The following FAM110B variants were observed in gnomAD, a reference collection of about 807,000 sequenced individuals.
FAM110B encodes the protein protein FAM110B.
Under a neutral mutation model 20.4 loss-of-function variants are expected in FAM110B, and 6 were observed. The observed-to-expected ratio is 0.29, with a 90% CI of 0.16 to 0.58. The LOEUF (loss-of-function observed/expected upper bound fraction) is 0.58, where lower values mean the gene tolerates loss of function less well. Ranked by LOEUF, FAM110B falls within the 20% of genes least tolerant of loss-of-function variation. The pLI is 0.90. For synonymous variants in FAM110B, 226 were observed against 214.1 expected (o/e 1.06, Z -0.49); for missense variants, 434 against 498.2 (o/e 0.87, Z 1.23).
At chr8:58,058,975 A>G (rs1408515889) in intron 2 of FAM110B, among the ~76,000 whole-genome samples, 1 of 152,174 alleles carries the variant, frequency 6.6e-6, no homozygotes, top group African/African-American at 2.4e-5. Flanking sequence ...TTCTACCTCC[A>G]GAAGAAATCA....
At chr8:58,081,669 C>A (rs180770525) in intron 3 of FAM110B, among the ~76,000 whole-genome samples, 199 of 152,338 alleles carry the variant, frequency 1.3e-3, no homozygotes, top group African/African-American at 4.1e-3. Flanking sequence ...TCCCTACACA[C>A]CTGGTTCCTC....
At chr8:58,140,894 T>A (rs1803731151) in intron 3 of FAM110B, among the ~76,000 whole-genome samples, 1 of 152,256 alleles carries the variant, frequency 6.6e-6, no homozygotes, top group Non-Finnish European at 1.5e-5. Flanking sequence ...ATTCATTCGA[T>A]TCACATTTAC....
chr8:58,068,301 A>G (rs1372645462), intron 2 of FAM110B, among the ~76,000 whole-genome samples: 2 of 152,174 alleles, frequency 1.3e-5, no homozygotes, highest in Non-Finnish European at 2.9e-5. Flanking sequence ...CATTTTCTTT[A>G]GCCAATTATC....
intron 2 of FAM110B, among the ~76,000 whole-genome samples, chr8:58,042,210 A>G (rs947048762): frequency 3.9e-5 from 6 of 152,236 alleles, no homozygotes; most frequent in Admixed American, 6.5e-5. Flanking sequence ...TACTAATTGC[A>G]TTTATGATGA....
intron 3 of FAM110B, among the ~76,000 whole-genome samples, chr8:58,141,653 T>C (rs1367208193): frequency 6.6e-6 from 1 of 152,250 alleles, no homozygotes; most frequent in Non-Finnish European, 1.5e-5. Flanking sequence ...CTTTTCTTTT[T>C]CATTACCAGA....
chr8:58,009,686 C>A (rs970333915), intron 1 of FAM110B, among the ~76,000 whole-genome samples: 2 of 152,146 alleles, frequency 1.3e-5, no homozygotes, highest in Non-Finnish European at 2.9e-5. Context: ...ATTATATTTC[C>A]ATGGGATGGT....
At chr8:58,017,958 A>C (rs1804672538) in intron 1 of FAM110B, among the ~76,000 whole-genome samples, 1 of 152,196 alleles carries the variant, frequency 6.6e-6, no homozygotes, top group Admixed American at 6.5e-5. Context: ...TTTTGTTGTT[A>C]AGGATTGCTC....
At chr8:58,000,122 G>A (rs193219207) in intron 1 of FAM110B, among the ~76,000 whole-genome samples, 105 of 152,218 alleles carry the variant, frequency 6.9e-4, no homozygotes, top group Non-Finnish European at 1.0e-4. Flanking sequence ...AAGGTCTCTG[G>A]GCATTGAGGA....
chr8:58,050,314 A>C (rs567358699), intron 2 of FAM110B, among the ~76,000 whole-genome samples: 1 of 152,218 alleles, frequency 6.6e-6, no homozygotes, highest in African/African-American at 2.4e-5. Context: ...CTAGGCTTAG[A>C]GGAAAGCATA....
intron 1 of FAM110B, among the ~76,000 whole-genome samples, chr8:58,008,073 T>C (rs1387123106): frequency 1.3e-5 from 2 of 152,008 alleles, no homozygotes; most frequent in Admixed American, 6.6e-5. Flanking sequence ...AATAGATTCA[T>C]TGAAGCTCTG....
chr8:58,042,005 A>T (rs1165184105), intron 2 of FAM110B, among the ~76,000 whole-genome samples: 1 of 152,174 alleles, frequency 6.6e-6, no homozygotes, highest in African/African-American at 2.4e-5. Context: ...CAGTGTGTAA[A>T]CTCTCCAAAC....
chr8:58,088,968 T>G (rs1806404522), intron 3 of FAM110B, among the ~76,000 whole-genome samples: 1 of 152,230 alleles, frequency 6.6e-6, no homozygotes, highest in African/African-American at 2.4e-5. Flanking sequence ...GTGCCATGAA[T>G]ATTCCTTTAG....
intron 2 of FAM110B, among the ~76,000 whole-genome samples, chr8:58,059,854 T>G (rs1363718342): frequency 6.6e-6 from 1 of 152,172 alleles, no homozygotes; most frequent in Non-Finnish European, 1.5e-5. Context: ...TTGCTCTAGA[T>G]GCTCTATAGT....
intron 2 of FAM110B, among the ~76,000 whole-genome samples, chr8:58,062,500 A>G (rs7000317): frequency 0.21 from 31,556 of 152,148 alleles, 4,112 homozygotes; most frequent in African/African-American, 0.36. Context: ...TAAAATATAC[A>G]TATATAAATG....
intron 2 of FAM110B, among the ~76,000 whole-genome samples, chr8:58,067,869 C>G (rs752625465): frequency 2.6e-5 from 4 of 152,134 alleles, no homozygotes; most frequent in African/African-American, 4.8e-5. Flanking sequence ...TACATAGGCC[C>G]CCCGCAGCCA....
chr8:58,119,595 T>C (rs1403617410), intron 3 of FAM110B, among the ~76,000 whole-genome samples: 1 of 152,182 alleles, frequency 6.6e-6, no homozygotes, highest in Non-Finnish European at 1.5e-5. Context: ...TGACTGAAGA[T>C]CTAATATTCC....
Position 58,071,130 on chromosome 8 carries a change from C to T in FAM110B, c.-413-4405C>T, listed in dbSNP as rs1046651182. ...ACATTTTTATTTCTATTAATTTTTT[C>T]CTGAAAATTGATAATCTTAAATAAT... On this transcript the variant is annotated intron_variant, in intron 2 of 3. Coordinates refer to ENST00000519262, the MANE Select transcript of FAM110B (RefSeq NM_001377989.1). Among the ~76,000 whole-genome samples the T allele has an allele frequency of 7.2e-5, 11 of 151,858 alleles. No individual in the cohort carries two copies. In the Middle Eastern group the frequency reaches 0.017, roughly 236 times the overall value.
intron 3 of FAM110B, among the ~76,000 whole-genome samples, chr8:58,108,363 C>G (rs1806971679): frequency 6.6e-6 from 1 of 152,192 alleles, no homozygotes; most frequent in Non-Finnish European, 1.5e-5. Flanking sequence ...GAGCCTCAGC[C>G]AGCATTGACG....
At chr8:58,076,887 G>C (rs1585865448) in intron 3 of FAM110B, among the ~76,000 whole-genome samples, 1 of 152,152 alleles carries the variant, frequency 6.6e-6, no homozygotes, top group Non-Finnish European at 1.5e-5. Context: ...TGCTTATATA[G>C]TAAGCCATGT....
Sources: allele counts gnomAD v4.1 joint callset (sites outside exome capture counted in the v4.1 genomes callset), GRCh38; gene constraint gnomAD v4.1.1; transcripts MANE v1.5; gene names NCBI Gene and HGNC (gene_info 2026-07-23, HGNC 2026-07-21).